KDM4C: variants seen among roughly 807,000 people sequenced by gnomAD.
KDM4C encodes the protein lysine-specific demethylase 4C.
Under a neutral mutation model 129.3 loss-of-function variants are expected in KDM4C, and 81 were observed. The observed-to-expected ratio is 0.63, with a 90% CI of 0.52 to 0.75. KDM4C has a LOEUF of 0.75. Ranked by LOEUF, KDM4C falls within the 30% of genes least tolerant of loss-of-function variation. The probability of loss-of-function intolerance (pLI) is 0.00; values close to 1 mark genes in which losing one functional copy is unlikely to be tolerated. For missense variants in KDM4C, 1,457 were observed against 1,304.0 expected, an observed-to-expected ratio of 1.12 and a Z score of -1.81; for synonymous variants, 573 against 456.1, an observed-to-expected ratio of 1.26 and a Z score of -3.26.
At chr9:6,784,865 G>T (rs908985961) in intron 1 of KDM4C, among the ~76,000 whole-genome samples, 1 of 152,212 alleles carries the variant, frequency 6.6e-6, no homozygotes, top group Non-Finnish European at 1.5e-5. Flanking sequence ...CTGGGTAGAT[G>T]TGCTAACGAT....
At chr9:7,073,143 G>C (rs1445343273) in intron 17 of KDM4C, among the ~76,000 whole-genome samples, 2 of 152,120 alleles carry the variant, frequency 1.3e-5, no homozygotes, top group Non-Finnish European at 2.9e-5. Context: ...ACTCTCAGGG[G>C]TGGAATCTTC....
chr9:6,931,723 A>G (rs991869696), intron 8 of KDM4C, among the ~76,000 whole-genome samples: 2 of 151,870 alleles, frequency 1.3e-5, no homozygotes, highest in Non-Finnish European at 2.9e-5. Context: ...CTGGTCTTGA[A>G]CTGCTGGACT....
At chr9:6,964,781 CAAA>C (rs369795659) in intron 8 of KDM4C, among the ~76,000 whole-genome samples, 7 of 53,856 alleles carry the variant, frequency 1.3e-4, no homozygotes, top group Admixed American at 2.3e-4. Context: ...GACTCCGTCT[CAAA>C]AAAAAAAAAA....
At chr9:6,825,436 A>G (rs1833730249) in intron 4 of KDM4C, among the ~76,000 whole-genome samples, 1 of 152,216 alleles carries the variant, frequency 6.6e-6, no homozygotes, top group African/African-American at 2.4e-5. Flanking sequence ...TGATGCAGAG[A>G]TCTTAGGGCA....
chr9:6,944,199 T>G (rs1826460332), intron 8 of KDM4C, among the ~76,000 whole-genome samples: 1 of 152,226 alleles, frequency 6.6e-6, no homozygotes, highest in African/African-American at 2.4e-5. Context: ...GAATTTATTA[T>G]CTTTATTGAT....
At chr9:6,932,306 T>A (rs1038664767) in intron 8 of KDM4C, among the ~76,000 whole-genome samples, 4 of 152,166 alleles carry the variant, frequency 2.6e-5, no homozygotes, top group African/African-American at 9.7e-5. Flanking sequence ...CTCTCCTGTT[T>A]CTGCGGCACA....
chr9:7,037,369 A>G lies in KDM4C; in HGVS notation c.2260-9493A>G, dbSNP rs151304184. ...TTGGCATTTCTTTAACTGATGTTTTATAGAAGAGACATTGGAACATGATTT... is the reference window on the plus strand; with the variant it reads ...TTGGCATTTCTTTAACTGATGTTTTGTAGAAGAGACATTGGAACATGATTT... On this transcript the variant is annotated intron_variant, in intron 15 of 21. Coordinates refer to ENST00000381309, the MANE Select transcript of KDM4C (RefSeq NM_015061.6). Among the ~76,000 whole-genome samples, 393 of 152,296 alleles carry G rather than the reference A, an allele frequency of 2.6e-3. 2 individuals are homozygous for G. Among genetic ancestry groups the G allele is most frequent in the Admixed American group, 6.3e-3 (97 of 15,292 alleles).
upstream of KDM4C, among the ~76,000 whole-genome samples, chr9:6,756,538 G>A (rs892854356): frequency 6.6e-6 from 1 of 152,210 alleles, no homozygotes; most frequent in Non-Finnish European, 1.5e-5. Context: ...CCAACATGGC[G>A]AAACCCTGTC....
intron 1 of KDM4C, among the ~76,000 whole-genome samples, chr9:6,763,350 A>T (rs186335965): frequency 6.6e-6 from 1 of 151,918 alleles, no homozygotes; most frequent in East Asian, 1.9e-4. Context: ...GATTGATTCC[A>T]TCTCATTCTT....
At chr9:7,152,200 G>C (rs551894059) in intron 19 of KDM4C, among the ~76,000 whole-genome samples, 1 of 152,292 alleles carries the variant, frequency 6.6e-6, no homozygotes, top group African/African-American at 2.4e-5. Flanking sequence ...AGGAGTCTAA[G>C]AATAGAGTCA....
At chr9:6,833,707 C>G (rs1835329834) in intron 4 of KDM4C, among the ~76,000 whole-genome samples, 1 of 152,190 alleles carries the variant, frequency 6.6e-6, no homozygotes, top group Admixed American at 6.5e-5. Context: ...TGTACTGAAT[C>G]AGTGTTAGCT....
chr9:7,081,286 G>A (rs1479735229), intron 17 of KDM4C, among the ~76,000 whole-genome samples: 1 of 152,162 alleles, frequency 6.6e-6, no homozygotes, highest in South Asian at 2.1e-4. Context: ...AAGTGTTTGT[G>A]GGAAAGAAAT....
chr9:7,142,626 G>A (rs547561039), intron 19 of KDM4C, among the ~76,000 whole-genome samples: 1 of 152,140 alleles, frequency 6.6e-6, no homozygotes, highest in Non-Finnish European at 1.5e-5. Context: ...ACTAACTTTG[G>A]TAGATAAAAT....
chr9:6,951,369 C>T (rs1210536004), intron 8 of KDM4C, among the ~76,000 whole-genome samples: 1 of 152,146 alleles, frequency 6.6e-6, no homozygotes, highest in Admixed American at 6.6e-5. Flanking sequence ...ACTCTGTCTT[C>T]TGGACTCTGA....
At chr9:7,137,308 TTA>T (rs1359022518) in intron 19 of KDM4C, among the ~76,000 whole-genome samples, 1 of 152,198 alleles carries the variant, frequency 6.6e-6, no homozygotes, top group Admixed American at 6.5e-5. Flanking sequence ...TATCTAAATG[TTA>T]GGGTAGGGCT....
chr9:6,900,427 C>T (rs1022937396), intron 8 of KDM4C, among the ~76,000 whole-genome samples: 1 of 152,242 alleles, frequency 6.6e-6, no homozygotes, highest in South Asian at 2.1e-4. Flanking sequence ...GATGTCACCA[C>T]CAAGTGGCTT....
At chr9:6,743,680 T>A (rs1444594805) in intron 1 of KDM4C, among the ~76,000 whole-genome samples, 1 of 152,052 alleles carries the variant, frequency 6.6e-6, no homozygotes, top group Non-Finnish European at 1.5e-5. Context: ...GCTATTTTTC[T>A]GTATTTTAGT....
chr9:7,005,358 C>T (rs1433879727), intron 12 of KDM4C, among the ~76,000 whole-genome samples: 1 of 151,094 alleles, frequency 6.6e-6, no homozygotes, highest in Non-Finnish European at 1.5e-5. Flanking sequence ...TCGCTTGAAC[C>T]CAGGAGGCGG....
At chr9:7,082,115 C>G (rs1233611100) in intron 17 of KDM4C, among the ~76,000 whole-genome samples, 1 of 152,114 alleles carries the variant, frequency 6.6e-6, no homozygotes. Context: ...TCTGCCGTGC[C>G]TCCAGGACAA....
Sources: allele counts gnomAD v4.1 joint callset (sites outside exome capture counted in the v4.1 genomes callset), GRCh38; gene constraint gnomAD v4.1.1; transcripts MANE v1.5; gene names NCBI Gene and HGNC (gene_info 2026-07-23, HGNC 2026-07-21).